The following HLCS variants were observed in gnomAD, a reference collection of about 807,000 sequenced individuals.
HLCS encodes the protein biotin--protein ligase.
Under a neutral mutation model 75.0 loss-of-function variants are expected in HLCS, and 53 were observed. The ratio of observed to expected loss-of-function variants is 0.71; its 90% CI spans 0.57 to 0.89. The LOEUF (loss-of-function observed/expected upper bound fraction) is 0.89, where lower values mean the gene tolerates loss of function less well. Among genes scored for constraint, HLCS ranks in the 40% least tolerant of loss-of-function variants. HLCS has a pLI of 0.00. For missense variants in HLCS, 966 were observed against 1,074.0 expected (o/e 0.90, Z 1.41); for synonymous variants, 431 against 428.6 (o/e 1.01, Z -0.07).
intron 4 of HLCS, among the ~76,000 whole-genome samples, chr21:36,932,915 T>C (rs2066710710): frequency 6.6e-6 from 1 of 152,068 alleles, no homozygotes; most frequent in South Asian, 2.1e-4. Context: ...GCCAGGAGTT[T>C]GAGACCAGCC....
intron 4 of HLCS, among the ~76,000 whole-genome samples, chr21:36,932,729 A>G (rs1819524260): frequency 6.6e-6 from 1 of 152,216 alleles, no homozygotes. Context: ...TTATAGAAGT[A>G]TTATGAAAAT....
intron 6 of HLCS, among the ~76,000 whole-genome samples, chr21:36,860,376 C>A (rs1466204021): frequency 2.0e-5 from 3 of 151,362 alleles, no homozygotes; most frequent in Non-Finnish European, 4.4e-5. Flanking sequence ...GGAAGCCACA[C>A]CCGCCAGGAA....
chr21:36,846,041 A>G (rs952351387), intron 6 of HLCS, among the ~76,000 whole-genome samples: 6 of 152,202 alleles, frequency 3.9e-5, no homozygotes, highest in African/African-American at 7.2e-5. Context: ...CTAGAGCTCT[A>G]AAAGTTGATA....
chr21:36,955,623 GT>G lies in HLCS; in HGVS notation c.330+6412del, dbSNP rs201407342. On this transcript the variant is annotated intron_variant, in intron 2 of 10. Transcript: ENST00000674895. ...AATTTTAAAAAATCAAGTTTATAAA[GT>G]AAAAATATGATAGTAAGCTAAGATT... 6.9e-3 allele frequency among the ~76,000 whole-genome samples: 1,044 copies of G among 152,226 alleles called. 14 individuals are homozygous for G. Among genetic ancestry groups the G allele is most frequent in the African/African-American group, 0.023 (975 of 41,522 alleles).
intron 2 of HLCS, among the ~76,000 whole-genome samples, chr21:36,958,253 AAAAG>A (rs1555969614): frequency 5.1e-5 from 7 of 135,942 alleles, no homozygotes; most frequent in South Asian, 4.9e-4. Context: ...AAAAAAAAAA[AAAAG>A]AAAGAAAGAA....
chr21:36,840,174 A>C (rs1056955062), intron 6 of HLCS, among the ~76,000 whole-genome samples: 10 of 152,240 alleles, frequency 6.6e-5, no homozygotes, highest in African/African-American at 9.6e-5. Flanking sequence ...TAATTTTTAC[A>C]TAATCATAGA....
At chr21:36,929,053 G>C (rs1047405906) in intron 5 of HLCS, among the ~76,000 whole-genome samples, 4 of 152,194 alleles carry the variant, frequency 2.6e-5, no homozygotes, top group Admixed American at 1.3e-4. Flanking sequence ...GGGTATTTCA[G>C]GTTATACTCA....
In HLCS at chr21:36,788,830, T is replaced by C. The variant is rs140301920; in HGVS notation, c.1893-21545A>G. On this transcript the variant is annotated intron_variant, in intron 6 of 10. Transcript: ENST00000674895. Reference sequence around the variant, plus strand: ...TCACGTGCCAGAGCTCTTTAATTGCTAGTAGTTGGATTTCGTTGTTTTTGT... The same window carrying C: ...TCACGTGCCAGAGCTCTTTAATTGCCAGTAGTTGGATTTCGTTGTTTTTGT... Among the ~76,000 whole-genome samples the C allele has an allele frequency of 4.4e-3, 668 of 152,320 alleles. 2 individuals carry two copies. The highest frequency in any genetic ancestry group is 6.8e-3 in the Middle Eastern group (2 of 294).
In HLCS at chr21:36,888,444, AAATATAT is replaced by A. The variant is rs1166732933; in HGVS notation, c.1892+8409_1892+8415del. On this transcript the variant is annotated intron_variant, in intron 6 of 10. Transcript: ENST00000674895. ...CCCCCTTCCCATTTAAAAAAAAAAA[AAATATAT>A]ATATATATATATATATATATATATA... Among the ~76,000 whole-genome samples, 66 of 25,490 alleles carry A rather than the reference AAATATAT, an allele frequency of 2.6e-3. 1 individual carries two copies. Among genetic ancestry groups the A allele is most frequent in the Non-Finnish European group, 3.1e-3 (44 of 13,976 alleles). The allele number at this position is 25,490 out of a possible 152,430, so 16.7% of individuals were successfully genotyped here. A position where few individuals can be genotyped will look rare whatever the true frequency, so the allele number is the denominator to read the frequency against.
Position 36,838,185 on chromosome 21 carries a change from T to C in HLCS, c.1892+58675A>G, listed in dbSNP as rs1264808545. 3.9e-5 allele frequency among the ~76,000 whole-genome samples: 6 copies of C among 152,166 alleles called. No individual in the cohort carries two copies. The East Asian group carries it at 9.7e-4, about 25-fold the overall frequency. On this transcript the variant is annotated intron_variant, in intron 6 of 10. Transcript: ENST00000674895. ...CAACGCTGGGACGCAGCCTCCACCC[T>C]CCCAGGAAACTAGACACTTACATTC...
chr21:36,961,350 C>T (rs1234274374), intron 2 of HLCS, among the ~76,000 whole-genome samples: 3 of 152,160 alleles, frequency 2.0e-5, no homozygotes, highest in Non-Finnish European at 4.4e-5. Context: ...AAGCCACACA[C>T]GTGGTTTTAA....
intron 2 of HLCS, among the ~76,000 whole-genome samples, chr21:36,949,660 A>G (rs994657182): frequency 1.3e-5 from 2 of 152,216 alleles, no homozygotes; most frequent in Admixed American, 1.3e-4. Flanking sequence ...CGCTGCAACA[A>G]GTTTGTGCCA....
intron 6 of HLCS, among the ~76,000 whole-genome samples, chr21:36,890,083 C>T (rs900499303): frequency 6.6e-6 from 1 of 152,204 alleles, no homozygotes; most frequent in African/African-American, 2.4e-5. Flanking sequence ...TGTGTTCATT[C>T]TCCTGCCTGC....
Position 36,947,507 on chromosome 21 carries a change from C to T in HLCS, c.331-8513G>A, listed in dbSNP as rs1011022668. The T allele has an allele frequency of 2.4e-5, 24 of 985,204 alleles. No homozygotes were observed. The Admixed American group carries it at 8.0e-4, about 33-fold the overall frequency. The allele number at this position is 985,204 out of a possible 1,614,324, so 61.0% of individuals were successfully genotyped here. On this transcript the variant is annotated intron_variant, in intron 2 of 10. Coordinates refer to ENST00000674895, the MANE Select transcript of HLCS (RefSeq NM_001352514.2). ...AACAGGACACTTTAAATTTGCACTT[C>T]GAGATGGAAACAAAGGCATGGAAAA... is the stretch of plus-strand genomic sequence containing the variant.
intron 6 of HLCS, among the ~76,000 whole-genome samples, chr21:36,792,464 GGGAA>G (rs2060896747): frequency 6.8e-6 from 1 of 146,324 alleles, no homozygotes; most frequent in Admixed American, 6.8e-5. Context: ...AAGGGGGGGA[GGGAA>G]GGGAGAGGGG....
chr21:36,902,630 G>C (rs1377592011), intron 5 of HLCS, among the ~76,000 whole-genome samples: 1 of 152,236 alleles, frequency 6.6e-6, no homozygotes, highest in Non-Finnish European at 1.5e-5. Context: ...CAATAAATAG[G>C]AAGCAAGATC....
intron 6 of HLCS, among the ~76,000 whole-genome samples, chr21:36,886,238 T>C (rs574328354): frequency 6.6e-6 from 1 of 151,910 alleles, no homozygotes; most frequent in African/African-American, 2.4e-5. Flanking sequence ...GAGACCATCC[T>C]GGTGAACACG....
Position 36,897,012 on chromosome 21 carries a change from G to A in HLCS, c.1740C>T (p.Thr580=). 6.2e-7 allele frequency: 1 copy of A among 1,614,128 alleles called. No individual in the cohort carries two copies. The highest frequency in any genetic ancestry group is 8.5e-7 in the Non-Finnish European group (1 of 1,179,992). ...TGGTCACCACAGGTATACAAGATGG[G>A]GTTATTTCTACTTCAGACACGTAGG... is the stretch of plus-strand genomic sequence containing the variant. ...VSSYVSEVEI[T]PSCIPVVTNM... Residue 580 remains threonine (T), a synonymous_variant, in exon 6 of 11, where the codon ACC becomes ACT. Transcript: ENST00000674895.
Position 36,936,764 on chromosome 21 carries a change from T to C in HLCS, c.1122A>G (p.Glu374=), listed in dbSNP as rs780469041. 1 of 1,614,226 alleles carries C rather than the reference T, an allele frequency of 6.2e-7. No individual in the cohort carries two copies. Among genetic ancestry groups the C allele is most frequent in the Non-Finnish European group, 8.5e-7 (1 of 1,180,042 alleles). ...LVIATRESIP[E]DLYQKFMAYL... ...AGGCCATGAACTTCTGGTACAGGTC[T>C]TCGGGAATGGACTCCCTGGTAGCAA... Residue 374 remains glutamate (E), a synonymous_variant, in exon 4 of 11, where the codon GAA becomes GAG. Transcript: ENST00000674895.
Sources: allele counts gnomAD v4.1 joint callset (sites outside exome capture counted in the v4.1 genomes callset), GRCh38; gene constraint gnomAD v4.1.1; transcripts MANE v1.5; gene names NCBI Gene and HGNC (gene_info 2026-07-23, HGNC 2026-07-21).